VPS13D: variants seen among roughly 807,000 people sequenced by gnomAD.
VPS13D encodes the protein vacuolar protein sorting 13 homolog D, also known as intermembrane lipid transfer protein VPS13D.
VPS13D carries 187 observed loss-of-function variants against 461.9 expected under a neutral mutation model. That is an observed-to-expected ratio of 0.40 (90% CI 0.36 to 0.46). VPS13D has a LOEUF of 0.46. Among genes scored for constraint, VPS13D ranks in the 20% least tolerant of loss-of-function variants. The probability of loss-of-function intolerance (pLI) is 0.60; values close to 1 mark genes in which losing one functional copy is unlikely to be tolerated. For missense variants in VPS13D, 4,711 were observed against 5,364.9 expected, an observed-to-expected ratio of 0.88 and a Z score of 3.81; for synonymous variants, 1,951 against 1,986.3, an observed-to-expected ratio of 0.98 and a Z score of 0.47.
chr1:12,452,461 C>T (rs1228724063), intron 65 of VPS13D, among the ~76,000 whole-genome samples: 1 of 152,230 alleles, frequency 6.6e-6, no homozygotes, highest in Non-Finnish European at 1.5e-5. Context: ...CCAGAGGGCA[C>T]CCATGATGAG....
chr1:12,288,397 C>T lies in VPS13D; in HGVS notation c.5725+84C>T, dbSNP rs761900074. ...TGTGATCACAAATTGATTGTCCTCACGTGCTGAGTAAGGTGTGGCAGTGGC... is the reference window on the plus strand; with the variant it reads ...TGTGATCACAAATTGATTGTCCTCATGTGCTGAGTAAGGTGTGGCAGTGGC... On this transcript the variant is annotated intron_variant, in intron 22 of 69. Transcript: ENST00000620676. 2.4e-4 allele frequency: 300 copies of T among 1,236,578 alleles called. 1 individual carries two copies. The highest frequency in any genetic ancestry group is 3.9e-4 in the Admixed American group (23 of 58,636). The allele number at this position is 1,236,578 out of a possible 1,614,324, so 76.6% of individuals were successfully genotyped here.
At chr1:12,278,107 G>T (rs1357394027) in intron 19 of VPS13D, 69 bp downstream of exon 19, 5 of 1,445,334 alleles carry the variant, frequency 3.5e-6, no homozygotes, top group Non-Finnish European at 4.7e-6. Context: ...AGTCCTTTGC[G>T]TAAAACAGCA....
intron 18 of VPS13D, among the ~76,000 whole-genome samples, chr1:12,274,809 G>A (rs1417207417): frequency 1.3e-5 from 2 of 152,196 alleles, no homozygotes; most frequent in Admixed American, 6.5e-5. Context: ...ATGCTGGGCC[G>A]TGGTGGCTCA....
intron 6 of VPS13D, 85 bp downstream of exon 6, chr1:12,249,424 TA>T: frequency 9.6e-7 from 1 of 1,038,168 alleles, no homozygotes; most frequent in Non-Finnish European, 1.4e-6. Flanking sequence ...TTGTGTTATG[TA>T]AATGAATCAC....
At chr1:12,317,983 C>A in intron 30 of VPS13D, 89 bp from the exon 31 acceptor site, 1 of 1,379,792 alleles carries the variant, frequency 7.2e-7, no homozygotes, top group Non-Finnish European at 9.8e-7. Context: ...CGGAATACCA[C>A]CTGCCAAAAC....
intron 2 of VPS13D, among the ~76,000 whole-genome samples, chr1:12,237,121 CTGTGTGTGTATATATATG>C (rs1407786547): frequency 6.7e-6 from 1 of 149,764 alleles, no homozygotes; most frequent in East Asian, 1.9e-4. Context: ...ATATATATAT[CTGTGTGTGTATATATATG>C]TGTGTGTGTA....
chr1:12,395,308 C>T (rs893269527), intron 60 of VPS13D, among the ~76,000 whole-genome samples: 1 of 152,206 alleles, frequency 6.6e-6, no homozygotes, highest in Non-Finnish European at 1.5e-5. Flanking sequence ...TTTACAAACT[C>T]AGTTTCCCCG....
chr1:12,234,505 A>T, intron 2 of VPS13D, 142 bp downstream of exon 2: 1 of 547,276 alleles, frequency 1.8e-6, no homozygotes, highest in Non-Finnish European at 3.2e-6. Flanking sequence ...TATCATCCTG[A>T]TGATTTTTCC....
At chr1:12,483,454 C>T (rs555240342) in intron 67 of VPS13D, among the ~76,000 whole-genome samples, 7 of 151,398 alleles carry the variant, frequency 4.6e-5, no homozygotes, top group African/African-American at 7.3e-5. Flanking sequence ...TTTTTAAACC[C>T]GTTAAGGTCA....
chr1:12,276,447 G>A lies in VPS13D; in HGVS notation c.2859G>A (p.Gln953=), dbSNP rs139222925. Residue 953 remains glutamine, a synonymous_variant, in exon 19 of 70, where the codon CAG becomes CAA. Coordinates refer to ENST00000620676, the MANE Select transcript of VPS13D (RefSeq NM_015378.4). This position sits in a 1 kb window ranked among gnomAD's most constrained non-coding sequence, Gnocchi z 4.5. Reference sequence around the variant, plus strand: ...CCCGCGAGGTTCTGGTGGAGTCGCAGCTCCTCCTGGCGGAATTTAAAGTGA... The same window carrying A: ...CCCGCGAGGTTCTGGTGGAGTCGCAACTCCTCCTGGCGGAATTTAAAGTGA... ...QHTREVLVES[Q]LLLAEFKVNC... 6.6e-3 allele frequency: 10,674 copies of A among 1,614,206 alleles called. 57 individuals are homozygous for A. Among genetic ancestry groups the A allele is most frequent in the Middle Eastern group, 9.2e-3 (56 of 6,062 alleles).
rs748168653 is a variant in VPS13D, at chr1:12,401,627, A to G, written c.11804A>G (p.Gln3935Arg). ...NIYKHLMITA[Q>R]RFTVQIEEKL... is the part of the protein sequence containing the mutation. ...CTCTAGCATCTGATGATCACAGCTCAGAGATTCACAGTGCAAATTGAGGAG... is the reference window on the plus strand; with the variant it reads ...CTCTAGCATCTGATGATCACAGCTCGGAGATTCACAGTGCAAATTGAGGAG... Residue 3935 changes from glutamine to arginine, a missense_variant, in exon 62 of 70, where the codon CAG (glutamine) becomes CGG (arginine). This residue lies in a region of VPS13D where 4,411 missense variants were observed against 4,937.8 expected (regional missense o/e 0.89). Coordinates refer to ENST00000620676, the MANE Select transcript of VPS13D (RefSeq NM_015378.4). 5 of 1,612,978 alleles carry G rather than the reference A, an allele frequency of 3.1e-6. No homozygotes were observed. In the African/African-American group the frequency reaches 5.3e-5, roughly 17 times the overall value.
intron 67 of VPS13D, among the ~76,000 whole-genome samples, chr1:12,496,688 G>C (rs1298737558): frequency 1.3e-5 from 2 of 152,222 alleles, no homozygotes; most frequent in Non-Finnish European, 2.9e-5. Context: ...GTGCACTCCT[G>C]TTTCTAGGAA....
At chr1:12,442,530 A>G (rs1430524533) in intron 65 of VPS13D, among the ~76,000 whole-genome samples, 1 of 150,210 alleles carries the variant, frequency 6.7e-6, no homozygotes, top group Non-Finnish European at 1.5e-5. Context: ...CTCCATTACT[A>G]TTTAGTCAGC....
chr1:12,366,225 A>G (rs1420218369), intron 52 of VPS13D, among the ~76,000 whole-genome samples: 2 of 152,190 alleles, frequency 1.3e-5, no homozygotes, highest in African/African-American at 4.8e-5. Flanking sequence ...TAGTATTTAT[A>G]TTTGACTTTT....
At chr1:12,348,179 T>A (rs1485777988) in intron 44 of VPS13D, among the ~76,000 whole-genome samples, 1 of 152,230 alleles carries the variant, frequency 6.6e-6, no homozygotes, top group African/African-American at 2.4e-5. Flanking sequence ...TTTTACACTT[T>A]CTGGATTTTA....
chr1:12,426,034 CTG>C (rs1265435890), intron 65 of VPS13D, among the ~76,000 whole-genome samples: 2 of 152,218 alleles, frequency 1.3e-5, no homozygotes, highest in East Asian at 3.8e-4. Context: ...AATTTTCCAA[CTG>C]TAATTTCTAA....
chr1:12,337,244 C>T (rs1182600081), intron 39 of VPS13D: 1 of 152,010 alleles, frequency 6.6e-6, no homozygotes, highest in Non-Finnish European at 1.5e-5. Context: ...CATAAATTTC[C>T]AAACCTCTTT....
At chr1:12,242,405 C>A in intron 2 of VPS13D, 108 bp from the exon 3 acceptor site, 1 of 941,434 alleles carries the variant, frequency 1.1e-6, no homozygotes. Flanking sequence ...CATGACGTAG[C>A]CTATTCTATA....
chr1:12,468,511 G>A (rs1417315584), intron 67 of VPS13D, among the ~76,000 whole-genome samples: 1 of 152,160 alleles, frequency 6.6e-6, no homozygotes, highest in Non-Finnish European at 1.5e-5. Flanking sequence ...GGACTAGCAG[G>A]GACTTAAAGA....
Sources: allele counts gnomAD v4.1 joint callset (sites outside exome capture counted in the v4.1 genomes callset), GRCh38; gene constraint gnomAD v4.1.1; regional missense constraint gnomAD v4.1.1; non-coding constraint Gnocchi (gnomAD v3.1); transcripts MANE v1.5; gene names NCBI Gene and HGNC (gene_info 2026-07-23, HGNC 2026-07-21).